The following FANCL variants were observed in gnomAD, a reference collection of about 807,000 sequenced individuals.
FANCL encodes FA complementation group L.
A neutral mutation model predicts 59.4 loss-of-function variants in FANCL; 69 were observed. The ratio of observed to expected loss-of-function variants is 1.16; its 90% CI spans 0.96 to 1.42. The LOEUF (loss-of-function observed/expected upper bound fraction) is 1.42. Among genes scored for constraint, FANCL ranks in the 40% most tolerant of loss-of-function variants. The pLI, the probability that FANCL is intolerant of heterozygous loss-of-function variation, is 0.00. For missense variants in FANCL, 519 were observed against 447.2 expected (o/e 1.16, Z -1.45); for synonymous variants, 180 against 147.1 (o/e 1.22, Z -1.62).
intron 7 of FANCL, among the ~76,000 whole-genome samples, chr2:58,175,638 A>C (rs919895660): frequency 6.6e-6 from 1 of 152,158 alleles, no homozygotes; most frequent in Admixed American, 6.5e-5. Flanking sequence ...CGTATCTCAA[A>C]ATAATAAGAG....
intron 5 of FANCL, among the ~76,000 whole-genome samples, chr2:58,210,188 GAC>G (rs1232373836): frequency 6.6e-6 from 1 of 152,110 alleles, no homozygotes; most frequent in African/African-American, 2.4e-5. Flanking sequence ...ATGCTGCTAA[GAC>G]ACACCCAAGA....
At chr2:58,210,163 T>C (rs943293070) in intron 5 of FANCL, among the ~76,000 whole-genome samples, 1 of 152,194 alleles carries the variant, frequency 6.6e-6, no homozygotes, top group African/African-American at 2.4e-5. Flanking sequence ...TTATAAAGTG[T>C]ATTAGTCTGT....
intron 5 of FANCL, among the ~76,000 whole-genome samples, chr2:58,216,289 A>C (rs1416420633): frequency 1.3e-5 from 2 of 152,184 alleles, no homozygotes; most frequent in African/African-American, 4.8e-5. Context: ...TTCCCAGTCT[A>C]TCTTCCCAGG....
At chr2:58,235,436 C>G (rs969556319) in intron 1 of FANCL, among the ~76,000 whole-genome samples, 2 of 152,094 alleles carry the variant, frequency 1.3e-5, no homozygotes, top group Non-Finnish European at 2.9e-5. Flanking sequence ...GACTAACTAC[C>G]TTAGACTAAA....
At chr2:58,161,671 G>A (rs774416980) in intron 11 of FANCL, 33 bp from the exon 12 acceptor site, 1 of 1,378,124 alleles carries the variant, frequency 7.3e-7, no homozygotes, top group Non-Finnish European at 1.0e-6. Flanking sequence ...AAAAGCGTAT[G>A]TGTCTCACTA....
intron 7 of FANCL, among the ~76,000 whole-genome samples, chr2:58,180,383 G>A (rs1573601984): frequency 1.3e-5 from 2 of 152,142 alleles, no homozygotes; most frequent in Admixed American, 6.6e-5. Context: ...GGAATACTAT[G>A]CAGCCATAAA....
chr2:58,165,553 T>C (rs1259953666), intron 8 of FANCL, among the ~76,000 whole-genome samples, 171 bp downstream of exon 8: 2 of 152,196 alleles, frequency 1.3e-5, no homozygotes, highest in African/African-American at 2.4e-5. Flanking sequence ...CTTCTCCTTT[T>C]CACCTAAAAT....
intron 7 of FANCL, among the ~76,000 whole-genome samples, chr2:58,196,079 T>G (rs1038092681): frequency 6.6e-6 from 1 of 152,072 alleles, no homozygotes; most frequent in African/African-American, 2.4e-5. Context: ...ATAAATATAG[T>G]AGACAAACAT....
Position 58,159,406 on chromosome 2 carries a change from AAC to A in FANCL, c.*357_*358del, listed in dbSNP as rs757309110. The A allele has an allele frequency of 1.9e-6, 3 of 1,613,494 alleles. No homozygotes were observed. Among genetic ancestry groups the A allele is most frequent in the South Asian group, 1.1e-5 (1 of 91,024 alleles). On this transcript the variant is annotated 3_prime_UTR_variant, in exon 14 of 14. Coordinates refer to ENST00000233741, the MANE Select transcript of FANCL (RefSeq NM_018062.4). ...GTCTCAAGAACCTTTGAATGAAGTAAACAGTTTCCCACAAAAAATCAGCTATA... is the reference window on the plus strand; with the variant it reads ...GTCTCAAGAACCTTTGAATGAAGTAAAGTTTCCCACAAAAAATCAGCTATA...
At chr2:58,181,738 T>A (rs906398976) in intron 7 of FANCL, among the ~76,000 whole-genome samples, 1 of 151,908 alleles carries the variant, frequency 6.6e-6, no homozygotes, top group African/African-American at 2.4e-5. Context: ...ACTTTTTCAA[T>A]GTTTCTTGTA....
intron 7 of FANCL, among the ~76,000 whole-genome samples, chr2:58,177,341 T>C (rs955655587): frequency 7.2e-5 from 11 of 152,228 alleles, no homozygotes; most frequent in African/African-American, 1.9e-4. Context: ...TCTATGTTTA[T>C]TGCAGCACTA....
intron 7 of FANCL, among the ~76,000 whole-genome samples, chr2:58,179,348 C>A (rs1269952574): frequency 6.6e-6 from 1 of 152,126 alleles, no homozygotes; most frequent in Non-Finnish European, 1.5e-5. Flanking sequence ...GCAAGGCATG[C>A]TGTAACCAAA....
Position 58,187,934 on chromosome 2 carries a change from G to A in FANCL, c.540+10660C>T, listed in dbSNP as rs1303055938. 3.9e-5 allele frequency among the ~76,000 whole-genome samples: 6 copies of A among 151,992 alleles called. No homozygotes were observed. In the East Asian group the frequency reaches 9.6e-4, roughly 24 times the overall value. ...AACAGAAATTTTTAATTTTGATGAC[G>A]ACCAATTTATCAATTTGTTCTTTTT... On this transcript the variant is annotated intron_variant, in intron 7 of 13. Coordinates refer to ENST00000233741, the MANE Select transcript of FANCL (RefSeq NM_018062.4).
At chr2:58,212,804 G>A (rs1023152211) in intron 5 of FANCL, among the ~76,000 whole-genome samples, 1 of 152,068 alleles carries the variant, frequency 6.6e-6, no homozygotes, top group South Asian at 2.1e-4. Context: ...CTTTGGGGAA[G>A]TTGCTGTTTT....
At chr2:58,207,311 A>G (rs956127247) in intron 5 of FANCL, among the ~76,000 whole-genome samples, 38 of 152,190 alleles carry the variant, frequency 2.5e-4, no homozygotes, top group Non-Finnish European at 1.3e-4. Context: ...AAGGTATGAC[A>G]TATCTGCACT....
chr2:58,182,049 T>C (rs181933795), intron 7 of FANCL, among the ~76,000 whole-genome samples: 11 of 151,916 alleles, frequency 7.2e-5, no homozygotes, highest in Non-Finnish European at 7.4e-5. Flanking sequence ...CTTTGAAATG[T>C]CTATGATAAG....
intron 6 of FANCL, among the ~76,000 whole-genome samples, chr2:58,203,615 AAT>A (rs1394721120): frequency 1.3e-5 from 2 of 150,878 alleles, no homozygotes; most frequent in Admixed American, 6.6e-5. Context: ...GGGATCTATA[AAT>A]AGAGGCATAA....
At position 58,175,354 on chromosome 2, in the gene FANCL, T is replaced by A. The variant is rs574348425; in HGVS notation, c.541-9480A>T. On this transcript the variant is annotated intron_variant, in intron 7 of 13. Coordinates refer to ENST00000233741, the MANE Select transcript of FANCL (RefSeq NM_018062.4). ...CAAAAAAGAGAATTTTACACCAATA[T>A]CCTTGATGAACATTGATGCAAAAAT... 1.3e-5 allele frequency among the ~76,000 whole-genome samples: 2 copies of A among 149,620 alleles called. 1 individual carries two copies. Among genetic ancestry groups the A allele is most frequent in the African/African-American group, 5.1e-5 (2 of 39,406 alleles).
chr2:58,219,140 TAAAAAAAAAAAAAAAAAA>T (rs70954881), intron 5 of FANCL, among the ~76,000 whole-genome samples: 7 of 16,600 alleles, frequency 4.2e-4, no homozygotes, highest in Non-Finnish European at 5.2e-4. Context: ...AAATACATGC[TAAAAAAAAAAAAAAAAAA>T]AAAAAAAAAA....
Sources: allele counts gnomAD v4.1 joint callset (sites outside exome capture counted in the v4.1 genomes callset), GRCh38; gene constraint gnomAD v4.1.1; transcripts MANE v1.5; gene names NCBI Gene and HGNC (gene_info 2026-07-23, HGNC 2026-07-21).